SCAPER: variants seen among roughly 807,000 people sequenced by gnomAD.
SCAPER encodes S phase cyclin A-associated protein in the endoplasmic reticulum.
SCAPER carries 98 observed loss-of-function variants against 182.2 expected under a neutral mutation model. The observed-to-expected ratio is 0.54, with a 90% CI of 0.46 to 0.64. The LOEUF (loss-of-function observed/expected upper bound fraction) is 0.64, where lower values mean the gene tolerates loss of function less well. SCAPER is among the 30% of genes least tolerant of loss of function. The pLI is 0.00. For synonymous variants in SCAPER, 605 were observed against 564.6 expected, an observed-to-expected ratio of 1.07 and a Z score of -1.01; for missense variants, 1,432 against 1,690.0, an observed-to-expected ratio of 0.85 and a Z score of 2.68.
At chr15:76,561,211 T>C (rs758518718) in intron 23 of SCAPER, among the ~76,000 whole-genome samples, 1 of 152,186 alleles carries the variant, frequency 6.6e-6, no homozygotes, top group Non-Finnish European at 1.5e-5. Context: ...CACATCTGCT[T>C]ACTGAGAAAT....
At chr15:76,881,182 G>T (rs1023399499) in intron 2 of SCAPER, among the ~76,000 whole-genome samples, 1 of 152,144 alleles carries the variant, frequency 6.6e-6, no homozygotes, top group African/African-American at 2.4e-5. Context: ...TGCAACCTCC[G>T]CCTCCTGGGT....
chr15:76,700,439 C>T (rs1361900119), intron 20 of SCAPER, among the ~76,000 whole-genome samples: 2 of 152,188 alleles, frequency 1.3e-5, no homozygotes, highest in Non-Finnish European at 2.9e-5. Context: ...GAGAGTGGAC[C>T]ACTCCTTGCT....
intron 24 of SCAPER, among the ~76,000 whole-genome samples, chr15:76,493,300 T>G (rs545667459): frequency 6.6e-6 from 1 of 152,316 alleles, no homozygotes; most frequent in East Asian, 1.9e-4. Flanking sequence ...ATTTTCCTAA[T>G]TATAATGTTG....
intron 22 of SCAPER, among the ~76,000 whole-genome samples, chr15:76,606,208 T>G (rs2050380489): frequency 6.6e-6 from 1 of 152,140 alleles, no homozygotes; most frequent in Non-Finnish European, 1.5e-5. Context: ...CCCAGAGATT[T>G]TGGTATGTTG....
intron 24 of SCAPER, among the ~76,000 whole-genome samples, chr15:76,481,678 T>C (rs1226366976): frequency 1.3e-5 from 2 of 152,228 alleles, no homozygotes; most frequent in Non-Finnish European, 2.9e-5. Context: ...ATCCCAATTA[T>C]AGCCTCTCCT....
chr15:76,395,212 G>A (rs2043970641), intron 27 of SCAPER, among the ~76,000 whole-genome samples: 1 of 152,162 alleles, frequency 6.6e-6, no homozygotes, highest in South Asian at 2.1e-4. Context: ...GGACTCCATT[G>A]TGTGTATGAG....
chr15:76,609,027 C>T (rs115240728), intron 22 of SCAPER, among the ~76,000 whole-genome samples: 10,221 of 152,230 alleles, frequency 0.067, 383 homozygotes, highest in Middle Eastern at 0.11. Flanking sequence ...CTGTGCCTAC[C>T]GTCCTGCCCC....
At chr15:76,421,242 GT>G in intron 26 of SCAPER, among the ~76,000 whole-genome samples, 1 of 152,198 alleles carries the variant, frequency 6.6e-6, no homozygotes. Flanking sequence ...CACCAACAGT[GT>G]AAAAGTGTTC....
At chr15:76,802,822 C>G (rs1291930051) in intron 6 of SCAPER, among the ~76,000 whole-genome samples, 1 of 152,124 alleles carries the variant, frequency 6.6e-6, no homozygotes, top group Non-Finnish European at 1.5e-5. Flanking sequence ...GGGGAAGCAG[C>G]CTTGTAGCTC....
At chr15:76,639,364 T>G (rs987447703) in intron 21 of SCAPER, among the ~76,000 whole-genome samples, 5 of 152,218 alleles carry the variant, frequency 3.3e-5, no homozygotes, top group African/African-American at 1.2e-4. Flanking sequence ...CCTCCCCTAT[T>G]ATATCATAGA....
chr15:76,480,978 G>A (rs572709832), intron 24 of SCAPER, among the ~76,000 whole-genome samples: 47 of 152,042 alleles, frequency 3.1e-4, no homozygotes, highest in Non-Finnish European at 2.2e-4. Context: ...TGATCCGCCC[G>A]GCTCGGCCTC....
chr15:76,538,615 A>T (rs1383218086), intron 23 of SCAPER, among the ~76,000 whole-genome samples: 1 of 152,280 alleles, frequency 6.6e-6, no homozygotes, highest in East Asian at 1.9e-4. Flanking sequence ...AGCTAATGCT[A>T]AATGACGAGT....
intron 1 of SCAPER, among the ~76,000 whole-genome samples, chr15:76,899,174 G>A (rs537124553): frequency 4.7e-5 from 7 of 149,408 alleles, no homozygotes; most frequent in South Asian, 2.1e-4. Flanking sequence ...CTCGCTCTCC[G>A]TCTCCCTCTT....
chr15:76,494,658 C>CG lies in SCAPER; in HGVS notation c.2954+10200_2954+10201insC, dbSNP rs756623398. On this transcript the variant is annotated intron_variant, in intron 24 of 31. Transcript: ENST00000563290. Reference sequence around the variant, plus strand: ...TGTAAGAGATCCAACCAAGAACGCTCATTGACGCAACCTTCGAACCAAATA... The same window carrying CG: ...TGTAAGAGATCCAACCAAGAACGCTCGATTGACGCAACCTTCGAACCAAATA... Among the ~76,000 whole-genome samples, 252 of 152,260 alleles carry CG rather than the reference C, an allele frequency of 1.7e-3. No homozygotes were observed. In the East Asian group the frequency reaches 0.018, roughly 11 times the overall value.
rs1315157463 is a variant in SCAPER, at chr15:76,595,393, TAGAC to T, written c.2712-21113_2712-21110del. ...GACTTTAACACCCCACTGTCAATAT[TAGAC>T]AGATCAACGAGGCAGAAAATTAACA... On this transcript the variant is annotated intron_variant, in intron 22 of 31. Coordinates refer to ENST00000563290, the MANE Select transcript of SCAPER (RefSeq NM_020843.4). Among the ~76,000 whole-genome samples the T allele has an allele frequency of 5.6e-4, 68 of 121,508 alleles. 10 individuals are homozygous for T. The highest frequency in any genetic ancestry group is 1.6e-3 in the African/African-American group (64 of 39,830). The allele number at this position is 121,508 out of a possible 152,430, so 79.7% of individuals were successfully genotyped here. A position where few individuals can be genotyped will look rare whatever the true frequency, so the allele number is the denominator to read the frequency against.
intron 29 of SCAPER, among the ~76,000 whole-genome samples, chr15:76,372,292 C>G (rs1394820057): frequency 6.6e-6 from 1 of 152,228 alleles, no homozygotes; most frequent in Non-Finnish European, 1.5e-5. Flanking sequence ...GTGACAGGGT[C>G]TCAGTCTGTT....
chr15:76,513,803 G>A lies in SCAPER; in HGVS notation c.2839-8829C>T, dbSNP rs1042322091. 6.6e-5 allele frequency among the ~76,000 whole-genome samples: 10 copies of A among 152,110 alleles called. 1 individual carries two copies. In the South Asian group the frequency reaches 8.3e-4, roughly 13 times the overall value. ...ATCCTTAACCATAATTATCTTCTCC[G>A]TTCAAACTGCCACCTTTCCAACTTG... On this transcript the variant is annotated intron_variant, in intron 23 of 31. Coordinates refer to ENST00000563290, the MANE Select transcript of SCAPER (RefSeq NM_020843.4).
At chr15:76,486,488 A>G (rs2051662236) in intron 24 of SCAPER, among the ~76,000 whole-genome samples, 1 of 149,958 alleles carries the variant, frequency 6.7e-6, no homozygotes, top group Admixed American at 6.8e-5. Context: ...ACATCCATCT[A>G]TAAGGAACTT....
intron 23 of SCAPER, among the ~76,000 whole-genome samples, chr15:76,556,292 C>CGTAG (rs1423335638): frequency 6.6e-6 from 1 of 151,964 alleles, no homozygotes; most frequent in East Asian, 1.9e-4. Context: ...AAGTTTATAG[C>CGTAG]GTTAACCTAC....
Sources: allele counts gnomAD v4.1 joint callset (sites outside exome capture counted in the v4.1 genomes callset), GRCh38; gene constraint gnomAD v4.1.1; transcripts MANE v1.5; gene names NCBI Gene and HGNC (gene_info 2026-07-23, HGNC 2026-07-21).